The following LIMA1 variants were observed in gnomAD, a reference collection of about 807,000 sequenced individuals.
LIMA1 encodes LIM domain and actin binding 1.
LIMA1 carries 52 observed loss-of-function variants against 62.6 expected under a neutral mutation model. That is an observed-to-expected ratio of 0.83 (90% CI 0.67 to 1.05). LIMA1 has a LOEUF of 1.05. Among genes scored for constraint, LIMA1 ranks in the 50% least tolerant of loss-of-function variants. The pLI, the probability that LIMA1 is intolerant of heterozygous loss-of-function variation, is 0.00. For synonymous variants in LIMA1, 302 were observed against 317.8 expected (o/e 0.95, Z 0.53); for missense variants, 780 against 902.2 (o/e 0.86, Z 1.74).
chr12:50,204,676 T>G lies in LIMA1; in HGVS notation c.740A>C (p.Asp247Ala). The change falls in exon 6 of 11, where the codon GAC (aspartate) becomes GCC (alanine). Residue 247 changes from aspartate to alanine, a missense_variant. Coordinates refer to ENST00000341247, the MANE Select transcript of LIMA1 (RefSeq NM_016357.5). ...TCGTCTACTCTCATTTTTCTCCGAG[T>G]CAAATGTAGAAGATGACAACTGACC... is the stretch of plus-strand genomic sequence containing the variant. ...GPGQLSSSTF[D>A]SEKNESRRNL... 6.2e-7 allele frequency: 1 copy of G among 1,614,014 alleles called. No individual in the cohort carries two copies. The highest frequency in any genetic ancestry group is 8.5e-7 in the Non-Finnish European group (1 of 1,179,976).
intron 5 of LIMA1, among the ~76,000 whole-genome samples, chr12:50,205,279 C>T (rs1373505744): frequency 1.3e-5 from 2 of 151,066 alleles, no homozygotes; most frequent in African/African-American, 4.9e-5. Context: ...GTCTATGTTG[C>T]CCAGGCTGGT....
chr12:50,243,217 C>CT (rs1941802210), intron 2 of LIMA1, among the ~76,000 whole-genome samples: 1 of 152,206 alleles, frequency 6.6e-6, no homozygotes, highest in African/African-American at 2.4e-5. Flanking sequence ...ACAAAATGCA[C>CT]TGTTAACAAT....
intron 3 of LIMA1, among the ~76,000 whole-genome samples, chr12:50,225,681 T>A (rs1303847290): frequency 6.6e-6 from 1 of 152,148 alleles, no homozygotes; most frequent in Non-Finnish European, 1.5e-5. Context: ...GCCTCTCAAG[T>A]AGCTGGGCTT....
intron 6 of LIMA1, 53 bp from the exon 7 acceptor site, chr12:50,200,937 C>A (rs1941036535): frequency 6.3e-7 from 1 of 1,587,382 alleles, no homozygotes; most frequent in African/African-American, 1.4e-5. Context: ...TCATTCTGTT[C>A]TCTTCATAGC....
At chr12:50,273,213 C>T (rs1225450517) in intron 1 of LIMA1, among the ~76,000 whole-genome samples, 1 of 151,978 alleles carries the variant, frequency 6.6e-6, no homozygotes, top group Admixed American at 6.6e-5. Context: ...CCTTGGCCTC[C>T]TAAAGTGCTG....
chr12:50,276,440 G>C (rs1942276820), intron 1 of LIMA1, among the ~76,000 whole-genome samples: 1 of 152,118 alleles, frequency 6.6e-6, no homozygotes, highest in South Asian at 2.1e-4. Flanking sequence ...GTACTTCAAA[G>C]TAAGTTCAAT....
chr12:50,177,505 C>G lies in LIMA1; in HGVS notation c.1839G>C (p.Arg613Ser), dbSNP rs376514299. ...KSPKTVSPPI[R>S]KGWSMSEQSE... ...TCTGCTCTGACATGCTCCAGCCTTTCCTGATAGGTGGGGACACAGTTTTTG... is the reference window on the plus strand; with the variant it reads ...TCTGCTCTGACATGCTCCAGCCTTTGCTGATAGGTGGGGACACAGTTTTTG... Residue 613 changes from arginine (R) to serine (S), a missense_variant, in exon 11 of 11, where the codon AGG (arginine) becomes AGC (serine). By Grantham distance (110) the Arg-to-Ser change is moderately radical. Transcript: ENST00000341247. 5 of 1,612,814 alleles carry G rather than the reference C, an allele frequency of 3.1e-6. No homozygotes were observed. The African/African-American group carries it at 4.0e-5, about 13-fold the overall frequency.
intron 2 of LIMA1, among the ~76,000 whole-genome samples, chr12:50,238,865 AT>A (rs1282261814): frequency 6.6e-6 from 1 of 151,986 alleles, no homozygotes; most frequent in Non-Finnish European, 1.5e-5. Flanking sequence ...GAAAAAAAAA[AT>A]CATGAAGAAA....
Position 50,210,233 on chromosome 12 carries a change from G to A in LIMA1, c.631-4165C>T, listed in dbSNP as rs539932208. On this transcript the variant is annotated intron_variant, in intron 4 of 10. Transcript: ENST00000341247. ...AGGTCAGGAGTTTGAGACCAGCCTC[G>A]CCCACATGGCGAAACCCCATCTCTA... Among the ~76,000 whole-genome samples the A allele has an allele frequency of 1.1e-3, 163 of 151,880 alleles. 1 individual carries two copies. The highest frequency in any genetic ancestry group is 2.1e-3 in the Non-Finnish European group (144 of 67,934).
At chr12:50,242,251 A>G (rs1941788595) in intron 2 of LIMA1, among the ~76,000 whole-genome samples, 1 of 152,060 alleles carries the variant, frequency 6.6e-6, no homozygotes, top group South Asian at 2.1e-4. Flanking sequence ...TCACCACTAA[A>G]ATGTTACAGA....
At chr12:50,255,306 G>A (rs1941980753) in intron 1 of LIMA1, among the ~76,000 whole-genome samples, 2 of 151,780 alleles carry the variant, frequency 1.3e-5, no homozygotes, top group African/African-American at 2.4e-5. Context: ...TGTAATCCCA[G>A]CACTTTGGGA....
chr12:50,214,698 C>A (rs746982117), intron 4 of LIMA1, among the ~76,000 whole-genome samples: 1 of 152,220 alleles, frequency 6.6e-6, no homozygotes, highest in African/African-American at 2.4e-5. Flanking sequence ...CTCAGCCACT[C>A]AGGAGGCTGA....
At chr12:50,195,693 C>G in intron 8 of LIMA1, 137 bp downstream of exon 8, 1 of 784,418 alleles carries the variant, frequency 1.3e-6, no homozygotes, top group South Asian at 2.3e-5. Context: ...AAAGGACATT[C>G]AAGCATTAGC....
chr12:50,252,579 C>CAA (rs397936373), intron 1 of LIMA1, among the ~76,000 whole-genome samples: 1,286 of 57,190 alleles, frequency 0.022, 45 homozygotes, highest in African/African-American at 0.049. Flanking sequence ...GAAACTGTCT[C>CAA]AAAAAAAAAA....
intron 2 of LIMA1, among the ~76,000 whole-genome samples, chr12:50,235,452 G>A (rs1259536389): frequency 6.6e-6 from 1 of 151,232 alleles, no homozygotes; most frequent in African/African-American, 2.4e-5. Context: ...TTTTACTAGA[G>A]ACGGGTTTCA....
intron 3 of LIMA1, among the ~76,000 whole-genome samples, chr12:50,227,856 C>A: frequency 7.2e-6 from 1 of 139,654 alleles, no homozygotes; most frequent in East Asian, 2.1e-4. Context: ...TTTTTTTTTT[C>A]TTTTTTTTTT....
rs1380112300 is a variant in LIMA1, at chr12:50,261,055, T to A, written c.-23-12281A>T. Among the ~76,000 whole-genome samples the A allele has an allele frequency of 4.6e-5, 5 of 109,418 alleles. 1 individual carries two copies. Among genetic ancestry groups the A allele is most frequent in the African/African-American group, 7.0e-5 (2 of 28,434 alleles). 71.8% of individuals were successfully genotyped at this position (109,418 alleles called of 152,430 possible). A position where few individuals can be genotyped will look rare whatever the true frequency, so the allele number is the denominator to read the frequency against. ...GCCATCTAGTATATTTTTTTTTTTTTTTTTTTTTTTTTTTTGAGATGGAGT... is the reference window on the plus strand; with the variant it reads ...GCCATCTAGTATATTTTTTTTTTTTATTTTTTTTTTTTTTTGAGATGGAGT... On this transcript the variant is annotated intron_variant, in intron 1 of 10. Coordinates refer to ENST00000341247, the MANE Select transcript of LIMA1 (RefSeq NM_016357.5).
At chr12:50,230,908 C>T (rs1270570132) in intron 3 of LIMA1, among the ~76,000 whole-genome samples, 1 of 152,132 alleles carries the variant, frequency 6.6e-6, no homozygotes, top group African/African-American at 2.4e-5. Flanking sequence ...AGAGGAGACC[C>T]ATTTTTTAAT....
At position 50,243,410 on chromosome 12, in the gene LIMA1, A is replaced by G. The variant is rs548338056; in HGVS notation, c.119+5223T>C. Among the ~76,000 whole-genome samples the G allele has an allele frequency of 6.6e-5, 10 of 152,364 alleles. No homozygotes were observed. The South Asian group carries it at 2.1e-3, about 32-fold the overall frequency. On this transcript the variant is annotated intron_variant, in intron 2 of 10. Transcript: ENST00000341247. ...AAGCCACTAGGTGTTGGAAACAGAC[A>G]TTAGTATATGCTTTGTGGAAAATAG... is the stretch of plus-strand genomic sequence containing the variant.
Sources: allele counts gnomAD v4.1 joint callset (sites outside exome capture counted in the v4.1 genomes callset), GRCh38; gene constraint gnomAD v4.1.1; transcripts MANE v1.5; gene names NCBI Gene and HGNC (gene_info 2026-07-23, HGNC 2026-07-21).